Variants in HTR2C observed in about 807,000 individuals in gnomAD.
HTR2C encodes the protein 5-hydroxytryptamine (serotonin) receptor 2C, G protein-coupled.
HTR2C carries 5 observed loss-of-function variants against 21.0 expected under a neutral mutation model. The ratio of observed to expected loss-of-function variants is 0.24; its 90% CI spans 0.12 to 0.50. The LOEUF (loss-of-function observed/expected upper bound fraction) is 0.50. HTR2C is among the 20% of genes least tolerant of loss of function. The pLI is 0.98. For missense variants in HTR2C, 271 were observed against 371.2 expected, an observed-to-expected ratio of 0.73 and a Z score of 2.22; for synonymous variants, 150 against 145.3, an observed-to-expected ratio of 1.03 and a Z score of -0.23.
intron 1 of HTR2C, among the ~76,000 whole-genome samples, chrX:114,603,964 T>G (rs1211575927): frequency 9.6e-6 from 1 of 103,666 alleles, no homozygotes; most frequent in African/African-American, 3.5e-5. Flanking sequence ...AAGGAGAGTT[T>G]ATAGGCTTTA....
intron 2 of HTR2C, among the ~76,000 whole-genome samples, chrX:114,640,879 TTTC>T (rs1177181769): frequency 1.8e-5 from 2 of 109,237 alleles, no homozygotes; most frequent in Non-Finnish European, 3.8e-5. Context: ...TCTTTCTTTC[TTTC>T]TTTTCCTTCC....
chrX:114,711,332 G>A (rs905795954), intron 2 of HTR2C, among the ~76,000 whole-genome samples: 6 of 111,742 alleles, frequency 5.4e-5, no homozygotes, highest in Admixed American at 2.9e-4. Flanking sequence ...AATATGTTAG[G>A]CAGTAACCTT....
chrX:114,696,490 G>A (rs1556415890), intron 2 of HTR2C, among the ~76,000 whole-genome samples: 2 of 111,442 alleles, frequency 1.8e-5, no homozygotes, highest in East Asian at 2.8e-4. Context: ...TAGCAGTTAC[G>A]TGTAATATTT....
At chrX:114,797,222 A>C (rs1326267955) in intron 4 of HTR2C, among the ~76,000 whole-genome samples, 1 of 111,595 alleles carries the variant, frequency 9.0e-6, no homozygotes, top group African/African-American at 3.3e-5. Flanking sequence ...GCATCTTATA[A>C]GCCTTTAGTC....
At chrX:114,845,392 C>T (rs1440409087) in intron 4 of HTR2C, among the ~76,000 whole-genome samples, 2 of 110,432 alleles carry the variant, frequency 1.8e-5, no homozygotes, top group Non-Finnish European at 3.8e-5. Flanking sequence ...AAATTTATAT[C>T]TGTAAATGGC....
intron 4 of HTR2C, among the ~76,000 whole-genome samples, chrX:114,838,177 C>G (rs978069627): frequency 9.0e-6 from 1 of 111,444 alleles, no homozygotes; most frequent in Non-Finnish European, 1.9e-5. Context: ...TTATTTTGAA[C>G]TTTGAATCTA....
At position 114,787,647 on chromosome X, in the gene HTR2C, A is replaced by G. The variant is rs181872779; in HGVS notation, c.349+56040A>G. 2.6e-3 allele frequency among the ~76,000 whole-genome samples: 291 copies of G among 112,175 alleles called. 1 individual carries two copies. The highest frequency in any genetic ancestry group is 9.0e-3 in the African/African-American group (279 of 30,912). ...GCAGAAATAAAGACATCAAAACTAAATTAGAAGTCTTCAAAATAGGCCAGG... is the reference window on the plus strand; with the variant it reads ...GCAGAAATAAAGACATCAAAACTAAGTTAGAAGTCTTCAAAATAGGCCAGG... On this transcript the variant is annotated intron_variant, in intron 4 of 5. Transcript: ENST00000276198.
intron 4 of HTR2C, among the ~76,000 whole-genome samples, chrX:114,744,699 G>A (rs1275276240): frequency 1.8e-5 from 2 of 110,911 alleles, no homozygotes; most frequent in African/African-American, 6.6e-5. Context: ...TGATCCGCCC[G>A]CCTCAGCCTC....
intron 2 of HTR2C, among the ~76,000 whole-genome samples, chrX:114,700,025 T>C (rs1932413866): frequency 8.9e-6 from 1 of 112,032 alleles, no homozygotes; most frequent in Non-Finnish European, 1.9e-5. Flanking sequence ...GCGTAATAAA[T>C]AGATCTCTTC....
At chrX:114,690,613 A>G (rs1030853477) in intron 2 of HTR2C, among the ~76,000 whole-genome samples, 10 of 111,583 alleles carry the variant, frequency 9.0e-5, no homozygotes, top group Admixed American at 2.9e-4. Flanking sequence ...TGAACCATAA[A>G]GGATTTCTTT....
intron 1 of HTR2C, among the ~76,000 whole-genome samples, chrX:114,591,369 G>A (rs1456551053): frequency 9.0e-6 from 1 of 111,689 alleles, no homozygotes; most frequent in Non-Finnish European, 1.9e-5. Context: ...TATTTATTTA[G>A]TCATTTCATC....
At chrX:114,692,153 G>A (rs1285685872) in intron 2 of HTR2C, among the ~76,000 whole-genome samples, 3 of 111,488 alleles carry the variant, frequency 2.7e-5, no homozygotes, top group African/African-American at 9.7e-5. Context: ...GATGTTTCAG[G>A]TTATATGTTT....
At chrX:114,888,653 A>G (rs1184309117) in intron 5 of HTR2C, among the ~76,000 whole-genome samples, 2 of 112,062 alleles carry the variant, frequency 1.8e-5, no homozygotes, top group Admixed American at 1.9e-4. Flanking sequence ...CAAACACCAT[A>G]GACTCTCACT....
intron 4 of HTR2C, among the ~76,000 whole-genome samples, chrX:114,782,528 G>A (rs1160731230): frequency 9.0e-6 from 1 of 110,799 alleles, no homozygotes; most frequent in Non-Finnish European, 1.9e-5. Context: ...ACTAGCCTGG[G>A]CAACATAGGA....
At chrX:114,806,393 CTGTA>C (rs2070437100) in intron 4 of HTR2C, among the ~76,000 whole-genome samples, 2 of 60,796 alleles carry the variant, frequency 3.3e-5, no homozygotes, top group African/African-American at 6.9e-5. Context: ...TATATATATA[CTGTA>C]TATATATACA....
At chrX:114,827,309 A>T (rs984460729) in intron 4 of HTR2C, among the ~76,000 whole-genome samples, 4 of 110,706 alleles carry the variant, frequency 3.6e-5, no homozygotes, top group Non-Finnish European at 7.6e-5. Flanking sequence ...TATTTTTTCC[A>T]AGTTTCTTAC....
At chrX:114,629,969 A>G (rs942427193) in intron 2 of HTR2C, among the ~76,000 whole-genome samples, 1 of 111,584 alleles carries the variant, frequency 9.0e-6, no homozygotes, top group Non-Finnish European at 1.9e-5. Flanking sequence ...GAAGCAAACA[A>G]TGAAGAAAAA....
chrX:114,879,804 A>T (rs2071166365), intron 5 of HTR2C, among the ~76,000 whole-genome samples: 1 of 111,209 alleles, frequency 9.0e-6, no homozygotes, highest in Non-Finnish European at 1.9e-5. Flanking sequence ...TCCATCATAC[A>T]TATATACACC....
chrX:114,606,070 G>T (rs900669107), intron 1 of HTR2C, among the ~76,000 whole-genome samples: 2 of 109,520 alleles, frequency 1.8e-5, no homozygotes, highest in Non-Finnish European at 3.8e-5. Context: ...AGAGGTTGGG[G>T]CACAGAAATA....
Sources: gnomAD v4.1 joint callset for allele counts (sites outside exome capture counted in the v4.1 genomes callset) on GRCh38, gnomAD v4.1.1 for gene constraint, MANE v1.5 for transcripts, NCBI Gene and HGNC (gene_info 2026-07-23, HGNC 2026-07-21) for gene names.